Variants in CTNND2 observed in about 807,000 individuals in gnomAD.
CTNND2 encodes the protein catenin delta 2.
A neutral mutation model predicts 144.4 loss-of-function variants in CTNND2; 22 were observed. That is an observed-to-expected ratio of 0.15 (90% CI 0.11 to 0.22). The LOEUF (loss-of-function observed/expected upper bound fraction) is 0.22, where lower values mean the gene tolerates loss of function less well. CTNND2 is among the 10% of genes least tolerant of loss of function. CTNND2 has a pLI of 1.00. For missense variants in CTNND2, 1,353 were observed against 1,618.8 expected (o/e 0.84, Z 2.82); for synonymous variants, 751 against 695.6 (o/e 1.08, Z -1.25).
At chr5:11,515,898 G>A (rs10474677) in intron 3 of CTNND2, among the ~76,000 whole-genome samples, 13,394 of 152,040 alleles carry the variant, frequency 0.088, 702 homozygotes, top group African/African-American at 0.14. Flanking sequence ...TCAGGAGTTC[G>A]AAACCAGCCT....
rs112980004 is a variant in CTNND2 at position 11,636,409 on chromosome 5, T to G, written c.175-71353A>C. On this transcript the variant is annotated intron_variant, in intron 2 of 21. Coordinates refer to ENST00000304623, the MANE Select transcript of CTNND2 (RefSeq NM_001332.4). The stretch of plus-strand genomic sequence containing the variant: ...CAGCGCTTTGTTATACCTATCCAGA[T>G]CCTGAATGTAACAGATTTCATGTCC... Among the ~76,000 whole-genome samples the G allele has an allele frequency of 6.7e-3, 1,023 of 152,266 alleles. 8 individuals carry two copies. Among genetic ancestry groups the G allele is most frequent in the African/African-American group, 0.023 (976 of 41,554 alleles).
At chr5:11,548,427 T>G (rs1046097783) in intron 3 of CTNND2, among the ~76,000 whole-genome samples, 2 of 152,240 alleles carry the variant, frequency 1.3e-5, no homozygotes, top group Admixed American at 1.3e-4. Flanking sequence ...TAGATTTCAT[T>G]ATATTATGCA....
At chr5:11,491,142 C>G (rs925405781) in intron 3 of CTNND2, among the ~76,000 whole-genome samples, 3 of 152,134 alleles carry the variant, frequency 2.0e-5, no homozygotes, top group African/African-American at 7.2e-5. Flanking sequence ...AAGTCTGAAG[C>G]TTTCAAAATT....
At chr5:11,287,409 G>A (rs915624406) in intron 9 of CTNND2, among the ~76,000 whole-genome samples, 1 of 152,184 alleles carries the variant, frequency 6.6e-6, no homozygotes, top group Admixed American at 6.5e-5. Context: ...GACTTGCCAA[G>A]CCTCCACTAT....
At chr5:11,028,548 C>G (rs1402648675) in intron 16 of CTNND2, among the ~76,000 whole-genome samples, 1 of 152,062 alleles carries the variant, frequency 6.6e-6, no homozygotes. Flanking sequence ...CCCTTCAGTC[C>G]CTGGAAACCC....
At chr5:11,865,547 A>C (rs948431492) in intron 1 of CTNND2, among the ~76,000 whole-genome samples, 13 of 152,204 alleles carry the variant, frequency 8.5e-5, no homozygotes, top group Admixed American at 8.5e-4. Flanking sequence ...CCAGCAAAGG[A>C]GACAGATTTT....
At position 11,120,405 on chromosome 5, in the gene CTNND2, T is replaced by C. The variant is rs1227728442; in HGVS notation, c.2160-2838A>G. On this transcript the variant is annotated intron_variant, in intron 12 of 21. Coordinates refer to ENST00000304623, the MANE Select transcript of CTNND2 (RefSeq NM_001332.4). The stretch of plus-strand genomic sequence containing the variant: ...CAGGCATGGTGAGGCTCAGTATACA[T>C]ACGGACTTCAAGAGGGGGTTATCAT... Among the ~76,000 whole-genome samples, 7 of 151,524 alleles carry C rather than the reference T, an allele frequency of 4.6e-5. No individual in the cohort carries two copies. In the East Asian group the frequency reaches 9.8e-4, roughly 21 times the overall value.
At chr5:11,712,412 G>A (rs1463443996) in intron 2 of CTNND2, among the ~76,000 whole-genome samples, 2 of 152,038 alleles carry the variant, frequency 1.3e-5, no homozygotes, top group Non-Finnish European at 2.9e-5. Flanking sequence ...AAGTTTCACA[G>A]TCCTTGCATC....
intron 1 of CTNND2, among the ~76,000 whole-genome samples, chr5:11,738,636 AC>A (rs1787832080): frequency 1.3e-5 from 2 of 152,172 alleles, no homozygotes. Context: ...TTCTTTAGTC[AC>A]TTTTGCATTG....
At chr5:11,431,711 G>A (rs559290630) in intron 3 of CTNND2, among the ~76,000 whole-genome samples, 24 of 152,100 alleles carry the variant, frequency 1.6e-4, no homozygotes, top group Non-Finnish European at 3.5e-4. Flanking sequence ...CTTCCTCTGA[G>A]CCCTGCCCCT....
chr5:11,842,227 C>T (rs1312620581), intron 1 of CTNND2, among the ~76,000 whole-genome samples: 2 of 152,020 alleles, frequency 1.3e-5, no homozygotes, highest in Non-Finnish European at 2.9e-5. Flanking sequence ...GTAGGGATCA[C>T]TTAAGGGGAG....
intron 12 of CTNND2, among the ~76,000 whole-genome samples, chr5:11,149,466 C>T (rs1757548130): frequency 6.6e-6 from 1 of 152,202 alleles, no homozygotes; most frequent in Admixed American, 6.5e-5. Flanking sequence ...GCCATCCTCA[C>T]ATACAATCTT....
chr5:11,893,888 C>G (rs1363283371), intron 1 of CTNND2, among the ~76,000 whole-genome samples: 2 of 152,140 alleles, frequency 1.3e-5, no homozygotes. Flanking sequence ...TATAGGCAGT[C>G]AGCAAAACGA....
intron 11 of CTNND2, among the ~76,000 whole-genome samples, chr5:11,186,139 G>A (rs963455979): frequency 2.0e-5 from 3 of 152,178 alleles, no homozygotes; most frequent in African/African-American, 4.8e-5. Context: ...TACATCTCAC[G>A]TCACCAGCCC....
chr5:11,884,539 T>C (rs1476083995), intron 1 of CTNND2, among the ~76,000 whole-genome samples: 1 of 152,186 alleles, frequency 6.6e-6, no homozygotes, highest in East Asian at 1.9e-4. Flanking sequence ...GCTCTATATA[T>C]CTGTTTTGGT....
intron 18 of CTNND2, among the ~76,000 whole-genome samples, chr5:11,000,405 C>T (rs1739824258): frequency 6.6e-6 from 1 of 152,100 alleles, no homozygotes; most frequent in Admixed American, 6.5e-5. Context: ...CCTGTAATCC[C>T]AGCTACTCGG....
chr5:11,043,933 T>G (rs1243803699), intron 16 of CTNND2, among the ~76,000 whole-genome samples: 1 of 152,204 alleles, frequency 6.6e-6, no homozygotes, highest in African/African-American at 2.4e-5. Context: ...CTTCTGAAAT[T>G]GCAATTTTTG....
At chr5:11,819,687 G>T (rs1793209232) in intron 1 of CTNND2, among the ~76,000 whole-genome samples, 2 of 152,090 alleles carry the variant, frequency 1.3e-5, no homozygotes, top group South Asian at 4.1e-4. Context: ...AGTAACTTTT[G>T]CCGCCTCTTT....
At chr5:11,817,990 T>TC (rs1332825167) in intron 1 of CTNND2, among the ~76,000 whole-genome samples, 1 of 58,706 alleles carries the variant, frequency 1.7e-5, no homozygotes, top group Non-Finnish European at 5.3e-5. Context: ...TGTTTTTTTT[T>TC]TTTTTTTTTT....
Sources: allele counts gnomAD v4.1 joint callset (sites outside exome capture counted in the v4.1 genomes callset), GRCh38; gene constraint gnomAD v4.1.1; transcripts MANE v1.5; gene names NCBI Gene and HGNC (gene_info 2026-07-23, HGNC 2026-07-21).